The following CFAP61 variants were observed in gnomAD, a reference collection of about 807,000 sequenced individuals.
CFAP61 encodes the protein cilia and flagella associated protein 61.
CFAP61 carries 107 observed loss-of-function variants against 135.6 expected under a neutral mutation model. The ratio of observed to expected loss-of-function variants is 0.79; its 90% CI spans 0.67 to 0.93. The LOEUF (loss-of-function observed/expected upper bound fraction) is 0.93, where lower values mean the gene tolerates loss of function less well. Among genes scored for constraint, CFAP61 ranks in the 40% least tolerant of loss-of-function variants. The pLI is 0.00. For synonymous variants in CFAP61, 575 were observed against 578.5 expected, an observed-to-expected ratio of 0.99 and a Z score of 0.09; for missense variants, 1,507 against 1,556.2, an observed-to-expected ratio of 0.97 and a Z score of 0.53.
At chr20:20,308,780 CA>C (rs1278755641) in intron 25 of CFAP61, among the ~76,000 whole-genome samples, 1 of 152,160 alleles carries the variant, frequency 6.6e-6, no homozygotes, top group East Asian at 1.9e-4. Context: ...CTGTTCTTTT[CA>C]AACTTGTACA....
At chr20:20,318,289 G>A (rs987167941) in intron 25 of CFAP61, among the ~76,000 whole-genome samples, 2 of 152,168 alleles carry the variant, frequency 1.3e-5, no homozygotes, top group African/African-American at 4.8e-5. Context: ...ACACTAAGTA[G>A]GAAGAGATCT....
intron 6 of CFAP61, chr20:20,085,501 T>A (rs1475535153): frequency 7.3e-7 from 1 of 1,366,566 alleles, no homozygotes; most frequent in Non-Finnish European, 9.8e-7. Flanking sequence ...AAGATTTGGA[T>A]GTTTTTCTAT....
intron 12 of CFAP61, 54 bp downstream of exon 12, chr20:20,166,490 G>C (rs371293207): frequency 9.9e-6 from 14 of 1,418,976 alleles, no homozygotes; most frequent in Non-Finnish European, 1.4e-5. Flanking sequence ...AGAACTTATA[G>C]AAAAGTAAAA....
chr20:20,341,258 A>T (rs998810799), intron 25 of CFAP61, among the ~76,000 whole-genome samples: 5 of 152,204 alleles, frequency 3.3e-5, no homozygotes, highest in Admixed American at 6.5e-5. Flanking sequence ...GGATAATCTT[A>T]TTGTTCTCCA....
intron 20 of CFAP61, among the ~76,000 whole-genome samples, chr20:20,257,620 CAAAAAAACA>C (rs375146629): frequency 0.095 from 5,524 of 58,252 alleles, 172 homozygotes; most frequent in Middle Eastern, 0.2. Context: ...TCAAAAAAAA[CAAAAAAACA>C]AAAAAAAAAA....
intron 13 of CFAP61, among the ~76,000 whole-genome samples, chr20:20,182,806 A>T (rs1235221776): frequency 6.6e-6 from 1 of 152,206 alleles, no homozygotes; most frequent in African/African-American, 2.4e-5. Context: ...TTTGTTTGCT[A>T]TGAGAATGCT....
chr20:20,075,600 A>G lies in CFAP61; in HGVS notation c.551A>G (p.His184Arg), dbSNP rs1568842493. The G allele has an allele frequency of 1.2e-6, 2 of 1,614,154 alleles. No individual in the cohort carries two copies. The highest frequency in any genetic ancestry group is 1.1e-5 in the South Asian group (1 of 91,082). The change falls in exon 6 of 27, where the codon CAC (histidine) becomes CGC (arginine). Residue 184 changes from histidine to arginine, a missense_variant. By Grantham distance (29) the His-to-Arg change is conservative (BLOSUM62 0). Coordinates refer to ENST00000245957, the MANE Select transcript of CFAP61 (RefSeq NM_015585.4). ...CHRHSHYPQLHVRKARVEDHD... is the reference protein window; with the variant it reads ...CHRHSHYPQLRVRKARVEDHD... ...AGGCACAGCCACTATCCTCAGCTGC[A>G]CGTTCGCAAAGCCAGGTACAGTTGG...
At chr20:20,296,021 TCCTTCTTTCTTTTCTTCCTC>T (rs2055426039) in intron 24 of CFAP61, among the ~76,000 whole-genome samples, 1 of 77,258 alleles carries the variant, frequency 1.3e-5, no homozygotes. Context: ...CTCCTTTCCT[TCCTTCTTTCTTTTCTTCCTC>T]CCTCCCTTCC....
intron 15 of CFAP61, among the ~76,000 whole-genome samples, chr20:20,196,076 C>T (rs1440061797): frequency 6.6e-6 from 1 of 152,176 alleles, no homozygotes; most frequent in Non-Finnish European, 1.5e-5. Context: ...GTGATACTGT[C>T]TCAAACTAAA....
chr20:20,125,623 G>A (rs2050008144), intron 8 of CFAP61, among the ~76,000 whole-genome samples: 1 of 151,714 alleles, frequency 6.6e-6, no homozygotes, highest in South Asian at 2.1e-4. Flanking sequence ...ATTGAAGCTT[G>A]TTTTATGGCC....
At chr20:20,092,521 A>C (rs1056636989) in intron 7 of CFAP61, among the ~76,000 whole-genome samples, 1 of 152,226 alleles carries the variant, frequency 6.6e-6, no homozygotes, top group Non-Finnish European at 1.5e-5. Flanking sequence ...GCTTTGTTCT[A>C]CATCAGTGGT....
At chr20:20,304,281 T>TGC (rs1360887188) in intron 25 of CFAP61, among the ~76,000 whole-genome samples, 1 of 148,154 alleles carries the variant, frequency 6.7e-6, no homozygotes, top group Admixed American at 6.7e-5. Context: ...ACTGTGTGTG[T>TGC]GTGTGTGTGT....
chr20:20,169,069 G>A (rs796264640), intron 12 of CFAP61, among the ~76,000 whole-genome samples: 3 of 152,282 alleles, frequency 2.0e-5, no homozygotes, highest in African/African-American at 7.2e-5. Context: ...TATGCTGAAT[G>A]ACTGCCATTG....
At chr20:20,150,249 C>T (rs2052286393) in intron 9 of CFAP61, among the ~76,000 whole-genome samples, 1 of 152,078 alleles carries the variant, frequency 6.6e-6, no homozygotes, top group Non-Finnish European at 1.5e-5. Context: ...CTATTCCTAC[C>T]CACACCTGAT....
At chr20:20,085,564 G>T (rs1479269806) in intron 6 of CFAP61, 6 of 1,350,692 alleles carry the variant, frequency 4.4e-6, no homozygotes, top group Non-Finnish European at 6.0e-6. Context: ...TTTGTTAACG[G>T]GCTGCTGAGG....
intron 18 of CFAP61, among the ~76,000 whole-genome samples, chr20:20,242,984 A>G (rs184098753): frequency 6.6e-6 from 1 of 152,304 alleles, no homozygotes; most frequent in Non-Finnish European, 1.5e-5. Context: ...CTTACTAGCT[A>G]TATGGTTGTA....
intron 26 of CFAP61, among the ~76,000 whole-genome samples, chr20:20,355,259 T>G: frequency 8.2e-6 from 1 of 121,796 alleles, no homozygotes; most frequent in Admixed American, 8.5e-5. Flanking sequence ...TGAGAGGAGG[T>G]GGTCACACTG....
chr20:20,282,716 A>G (rs2054289830), intron 22 of CFAP61, among the ~76,000 whole-genome samples: 1 of 152,184 alleles, frequency 6.6e-6, no homozygotes, highest in South Asian at 2.1e-4. Flanking sequence ...AAGTGGGCAG[A>G]TCACTTGAGG....
intron 10 of CFAP61, among the ~76,000 whole-genome samples, chr20:20,159,927 C>A (rs1037524085): frequency 1.4e-4 from 22 of 152,328 alleles, no homozygotes; most frequent in African/African-American, 4.8e-4. Flanking sequence ...CATCTTCCAC[C>A]AGTGCAGTGG....
Sources: gnomAD v4.1 joint callset for allele counts (sites outside exome capture counted in the v4.1 genomes callset) on GRCh38, gnomAD v4.1.1 for gene constraint, MANE v1.5 for transcripts, NCBI Gene and HGNC (gene_info 2026-07-23, HGNC 2026-07-21) for gene names.